LRRIQ1: variants seen among roughly 807,000 people sequenced by gnomAD.
LRRIQ1 encodes the protein leucine-rich repeat- and IQ domain-containing protein 1.
Under a neutral mutation model 211.9 loss-of-function variants are expected in LRRIQ1, and 210 were observed. The observed-to-expected ratio is 0.99, with a 90% CI of 0.89 to 1.11. The LOEUF (loss-of-function observed/expected upper bound fraction) is 1.11, where lower values mean the gene tolerates loss of function less well. LRRIQ1 is among the 50% of genes most tolerant of loss of function. LRRIQ1 has a pLI of 0.00. For missense variants in LRRIQ1, 2,136 were observed against 1,939.5 expected (o/e 1.10, Z -1.90); for synonymous variants, 699 against 650.1 (o/e 1.08, Z -1.14).
At chr12:85,237,915 G>T (rs1593011152) in intron 26 of LRRIQ1, among the ~76,000 whole-genome samples, 1 of 152,038 alleles carries the variant, frequency 6.6e-6, no homozygotes. Context: ...CTTCAAAGCA[G>T]CAGGAAAATG....
At chr12:85,221,715 A>T (rs1262862174) in intron 24 of LRRIQ1, among the ~76,000 whole-genome samples, 2 of 152,192 alleles carry the variant, frequency 1.3e-5, no homozygotes, top group Non-Finnish European at 2.9e-5. Flanking sequence ...GGGTAACTAC[A>T]CTATGTCTGG....
intron 24 of LRRIQ1, among the ~76,000 whole-genome samples, chr12:85,224,532 C>T (rs545337963): frequency 6.6e-6 from 1 of 152,192 alleles, no homozygotes; most frequent in Admixed American, 6.5e-5. Context: ...GGCACATATA[C>T]ACCATGGAAT....
intron 11 of LRRIQ1, among the ~76,000 whole-genome samples, chr12:85,087,925 G>A (rs2136209826): frequency 6.6e-6 from 1 of 152,236 alleles, no homozygotes; most frequent in South Asian, 2.1e-4. Flanking sequence ...AGTTTCTTTT[G>A]CGATGCAGAA....
intron 26 of LRRIQ1, among the ~76,000 whole-genome samples, chr12:85,241,839 T>C (rs1269560548): frequency 6.6e-6 from 1 of 151,978 alleles, no homozygotes; most frequent in Admixed American, 6.6e-5. Context: ...AAAATCTTGT[T>C]TATGAAAAAA....
chr12:85,147,681 T>C lies in LRRIQ1; in HGVS notation c.4330-4599T>C, dbSNP rs2708504. Among the ~76,000 whole-genome samples, 721 of 151,040 alleles carry C rather than the reference T, an allele frequency of 4.8e-3. 2 individuals carry two copies. The highest frequency in any genetic ancestry group is 0.017 in the African/African-American group (683 of 41,096). ...TTTGGTTCAGGCAGTGAAGTGGAGA[T>C]GAGTATTCCCTGAGATAGATAGCTG... On this transcript the variant is annotated intron_variant, in intron 19 of 26. Coordinates refer to ENST00000393217, the MANE Select transcript of LRRIQ1 (RefSeq NM_001079910.2).
chr12:85,082,964 C>G (rs1307527204), intron 11 of LRRIQ1, among the ~76,000 whole-genome samples: 1 of 152,144 alleles, frequency 6.6e-6, no homozygotes, highest in East Asian at 1.9e-4. Context: ...GTTTTCTGAT[C>G]ACTATCTGAG....
intron 8 of LRRIQ1, among the ~76,000 whole-genome samples, chr12:85,061,242 T>C (rs1393305212): frequency 6.6e-6 from 1 of 151,792 alleles, no homozygotes; most frequent in African/African-American, 2.4e-5. Flanking sequence ...TAATTCTATA[T>C]TGACCTTAAT....
At chr12:85,177,706 T>A (rs1891777870) in intron 24 of LRRIQ1, among the ~76,000 whole-genome samples, 1 of 152,178 alleles carries the variant, frequency 6.6e-6, no homozygotes, top group Non-Finnish European at 1.5e-5. Flanking sequence ...TTCCAATGAT[T>A]ACAGCCACTG....
chr12:85,088,232 G>C (rs192820674), intron 11 of LRRIQ1, among the ~76,000 whole-genome samples: 1 of 152,146 alleles, frequency 6.6e-6, no homozygotes, highest in East Asian at 1.9e-4. Context: ...TTTTTGTAAG[G>C]TTTGTCAAAG....
chr12:85,108,129 C>A (rs952596002), intron 15 of LRRIQ1, among the ~76,000 whole-genome samples: 2 of 152,040 alleles, frequency 1.3e-5, no homozygotes, highest in African/African-American at 4.8e-5. Context: ...ATTCCCAATG[C>A]TTAATTTCAT....
chr12:85,247,525 G>A (rs2137287637), downstream of LRRIQ1, among the ~76,000 whole-genome samples: 1 of 151,498 alleles, frequency 6.6e-6, no homozygotes, highest in East Asian at 1.9e-4. Context: ...CATCACATAT[G>A]AGTTGTGTGC....
At chr12:85,075,857 A>G (rs1883589142) in intron 11 of LRRIQ1, among the ~76,000 whole-genome samples, 1 of 149,474 alleles carries the variant, frequency 6.7e-6, no homozygotes, top group African/African-American at 2.6e-5. Context: ...TGTCTCAAAA[A>G]CAAAAAAAAA....
chr12:85,198,803 C>T (rs760862529), intron 24 of LRRIQ1, among the ~76,000 whole-genome samples: 3 of 152,168 alleles, frequency 2.0e-5, no homozygotes, highest in East Asian at 3.9e-4. Flanking sequence ...TTGCTGACCT[C>T]GTGATCCACC....
intron 24 of LRRIQ1, among the ~76,000 whole-genome samples, chr12:85,168,383 C>T (rs1891253359): frequency 6.6e-6 from 1 of 152,162 alleles, no homozygotes; most frequent in African/African-American, 2.4e-5. Context: ...GGGCCAATCA[C>T]CCCAGCCAAC....
intron 3 of LRRIQ1, among the ~76,000 whole-genome samples, chr12:85,043,559 C>T (rs908288319): frequency 1.3e-5 from 2 of 152,050 alleles, no homozygotes; most frequent in African/African-American, 4.8e-5. Flanking sequence ...CTGATGGTCA[C>T]GCAGGGTCAG....
chr12:85,086,933 T>TTTATTATTA (rs1884885872), intron 11 of LRRIQ1, among the ~76,000 whole-genome samples: 1 of 107,342 alleles, frequency 9.3e-6, no homozygotes, highest in African/African-American at 6.3e-5. Flanking sequence ...CAGATTGTTC[T>TTTATTATTA]TCATTATTAT....
At chr12:85,075,777 G>C (rs1435334152) in intron 11 of LRRIQ1, among the ~76,000 whole-genome samples, 3 of 151,854 alleles carry the variant, frequency 2.0e-5, no homozygotes, top group South Asian at 4.2e-4. Flanking sequence ...TGAGTTGAGA[G>C]GAACTCATGA....
At chr12:85,165,439 A>G (rs2136764898) in intron 24 of LRRIQ1, among the ~76,000 whole-genome samples, 1 of 143,910 alleles carries the variant, frequency 6.9e-6, no homozygotes, top group African/African-American at 2.6e-5. Flanking sequence ...AGTGGCCTCC[A>G]TGTTGCTGGA....
intron 24 of LRRIQ1, among the ~76,000 whole-genome samples, chr12:85,179,418 G>A (rs1352552188): frequency 1.3e-5 from 2 of 151,946 alleles, no homozygotes; most frequent in Admixed American, 1.3e-4. Flanking sequence ...GATAGCATTT[G>A]CAAGATTGAG....
Sources: allele counts gnomAD v4.1 joint callset (sites outside exome capture counted in the v4.1 genomes callset), GRCh38; gene constraint gnomAD v4.1.1; transcripts MANE v1.5; gene names NCBI Gene and HGNC (gene_info 2026-07-23, HGNC 2026-07-21).